Variants in GLI2 observed in about 807,000 individuals in gnomAD.
The protein encoded by GLI2 is transcription activator GLI2.
Under a neutral mutation model 78.9 loss-of-function variants are expected in GLI2, and 22 were observed. The observed-to-expected ratio is 0.28, with a 90% CI of 0.20 to 0.40. The LOEUF is 0.40. Among genes scored for constraint, GLI2 ranks in the 10% least tolerant of loss-of-function variants. GLI2 has a pLI of 1.00. For missense variants in GLI2, 2,097 were observed against 2,213.2 expected (o/e 0.95, Z 1.05); for synonymous variants, 974 against 963.7 (o/e 1.01, Z -0.20).
At chr2:120,840,197 T>C (rs1221124278) in intron 2 of GLI2, among the ~76,000 whole-genome samples, 1 of 152,238 alleles carries the variant, frequency 6.6e-6, no homozygotes, top group African/African-American at 2.4e-5. Flanking sequence ...TTGAAAAATT[T>C]CCACCAACCA....
At chr2:120,908,948 C>G (rs576179794) in intron 2 of GLI2, among the ~76,000 whole-genome samples, 88 of 152,270 alleles carry the variant, frequency 5.8e-4, no homozygotes, top group Admixed American at 2.5e-3. Flanking sequence ...AGATCACCCC[C>G]CGTCTCTGCC....
intron 1 of GLI2, among the ~76,000 whole-genome samples, chr2:120,766,769 A>G (rs1356166603): frequency 6.6e-6 from 1 of 152,174 alleles, no homozygotes; most frequent in Non-Finnish European, 1.5e-5. Flanking sequence ...GACATGAGAG[A>G]GTTGACATTA....
chr2:120,969,629 C>T lies in GLI2; in HGVS notation c.845+714C>T, dbSNP rs148497017. Among the ~76,000 whole-genome samples the T allele has an allele frequency of 2.0e-3, 305 of 152,382 alleles. 1 individual carries two copies. The highest frequency in any genetic ancestry group is 7.1e-3 in the African/African-American group (295 of 41,598). ...CTGAGGGTCAGGAATTTGAGACAGG[C>T]TGAGCTCCGGCTCTCTCAGGTGGCC... On this transcript the variant is annotated intron_variant, in intron 6 of 13. Transcript: ENST00000361492.
intron 2 of GLI2, among the ~76,000 whole-genome samples, chr2:120,859,511 G>C (rs1184263984): frequency 6.8e-6 from 1 of 146,116 alleles, no homozygotes; most frequent in African/African-American, 2.6e-5. Flanking sequence ...CTGGAGTACA[G>C]TGGTGCAATC....
chr2:120,775,317 C>T (rs905747960), intron 1 of GLI2, among the ~76,000 whole-genome samples: 7 of 152,198 alleles, frequency 4.6e-5, no homozygotes, highest in African/African-American at 1.2e-4. Context: ...AATTTTCTTC[C>T]GAAATGACAA....
At chr2:120,832,711 C>T (rs961742117) in intron 2 of GLI2, among the ~76,000 whole-genome samples, 8 of 152,094 alleles carry the variant, frequency 5.3e-5, no homozygotes, top group Admixed American at 3.3e-4. Flanking sequence ...AGAGACAAAC[C>T]TGGGCTGGAA....
chr2:120,763,786 C>T (rs960599618), intron 1 of GLI2, among the ~76,000 whole-genome samples: 3 of 152,224 alleles, frequency 2.0e-5, no homozygotes, highest in African/African-American at 7.2e-5. Context: ...GGAGCATGGA[C>T]TGGGCCTGCC....
rs541143601 is a variant in GLI2 at position 120,914,806 on chromosome 2, C to T, written c.149-12555C>T. Among the ~76,000 whole-genome samples the T allele has an allele frequency of 4.6e-5, 7 of 152,342 alleles. No homozygotes were observed. The South Asian group carries it at 1.4e-3, about 32-fold the overall frequency. ...CCTCTGACATGGGTCCTGTCCCTAT[C>T]CTCATTTTACAGATAAGGACACCGA... On this transcript the variant is annotated intron_variant, in intron 2 of 13. Coordinates refer to ENST00000361492, the MANE Select transcript of GLI2 (RefSeq NM_001374353.1).
intron 1 of GLI2, among the ~76,000 whole-genome samples, chr2:120,760,537 T>A (rs984177982): frequency 2.0e-5 from 3 of 152,158 alleles, no homozygotes; most frequent in Non-Finnish European, 4.4e-5. Context: ...GAGACATATG[T>A]TTAGATGTTT....
intron 2 of GLI2, among the ~76,000 whole-genome samples, chr2:120,821,792 C>T (rs934017468): frequency 6.6e-6 from 1 of 152,208 alleles, no homozygotes; most frequent in African/African-American, 2.4e-5. Flanking sequence ...GAGGCAGGTG[C>T]AACCCCATTT....
At chr2:120,955,538 C>A in intron 5 of GLI2, 108 bp downstream of exon 5, 1 of 726,680 alleles carries the variant, frequency 1.4e-6, no homozygotes, top group South Asian at 1.9e-5. Flanking sequence ...AAGGAGAGGT[C>A]GGGCTGTACC....
chr2:120,880,533 C>T (rs1573528458), intron 2 of GLI2, among the ~76,000 whole-genome samples: 5 of 152,098 alleles, frequency 3.3e-5, no homozygotes, highest in Admixed American at 3.3e-4. Context: ...CGGCTCTGCC[C>T]GCAGGAGGGG....
chr2:120,947,992 C>G (rs1359367189), intron 3 of GLI2, among the ~76,000 whole-genome samples: 1 of 152,238 alleles, frequency 6.6e-6, no homozygotes, highest in African/African-American at 2.4e-5. Context: ...TCCACTGCCC[C>G]TGATAGAATC....
chr2:120,776,723 G>A (rs1437348214), intron 1 of GLI2, among the ~76,000 whole-genome samples: 3 of 152,220 alleles, frequency 2.0e-5, no homozygotes, highest in Non-Finnish European at 4.4e-5. Context: ...GAAGCAGCTG[G>A]GTCAGGGGCT....
In GLI2 at chr2:120,968,765, C is replaced by T. The variant is rs778102879; in HGVS notation, c.695C>T (p.Ala232Val). 2.5e-5 allele frequency: 40 copies of T among 1,613,430 alleles called. No individual in the cohort carries two copies. The highest frequency in any genetic ancestry group is 6.7e-5 in the Admixed American group (4 of 59,990). ...ACGCCCCGCCTGAGCCGCAAGCGGG[C>T]GCTGTCCATCTCCCCACTCTCAGAC... ...RVTPRLSRKR[A>V]LSISPLSDAS... The change falls in exon 6 of 14, where the codon GCG becomes GTG. Residue 232 changes from alanine to valine, a missense_variant. Ala to Val is a moderately conservative substitution (Grantham distance 64). Transcript: ENST00000361492.
intron 1 of GLI2, among the ~76,000 whole-genome samples, chr2:120,750,340 C>A (rs1682825773): frequency 6.6e-6 from 1 of 152,242 alleles, no homozygotes; most frequent in South Asian, 2.1e-4. Flanking sequence ...AGCCAGTGCT[C>A]CCCCGAGGGG....
intron 2 of GLI2, among the ~76,000 whole-genome samples, chr2:120,810,365 T>C (rs1685179508): frequency 6.6e-6 from 1 of 152,198 alleles, no homozygotes; most frequent in Admixed American, 6.5e-5. Flanking sequence ...CCCTCGGAAG[T>C]GGCAGCGTTC....
At chr2:120,768,900 G>T (rs1683446989) in intron 1 of GLI2, among the ~76,000 whole-genome samples, 1 of 152,188 alleles carries the variant, frequency 6.6e-6, no homozygotes, top group South Asian at 2.1e-4. Context: ...CTCTCTGGAA[G>T]GGTGGTGGGC....
chr2:120,910,258 AGCAG>A (rs1573582870), intron 2 of GLI2, among the ~76,000 whole-genome samples: 3 of 152,148 alleles, frequency 2.0e-5, no homozygotes, highest in Admixed American at 2.0e-4. Flanking sequence ...CAGGGGTGAC[AGCAG>A]GGCCCTCAGC....
Sources: allele counts gnomAD v4.1 joint callset (sites outside exome capture counted in the v4.1 genomes callset), GRCh38; gene constraint gnomAD v4.1.1; transcripts MANE v1.5; gene names NCBI Gene and HGNC (gene_info 2026-07-23, HGNC 2026-07-21).